Variants in REV3L observed in about 807,000 individuals in gnomAD.
The protein encoded by REV3L is DNA polymerase zeta catalytic subunit.
A neutral mutation model predicts 299.4 loss-of-function variants in REV3L; 69 were observed. The ratio of observed to expected loss-of-function variants is 0.23; its 90% confidence interval spans 0.19 to 0.28. REV3L has a LOEUF of 0.28. Ranked by LOEUF, REV3L falls within the 10% of genes least tolerant of loss-of-function variation. The pLI is 1.00. For missense variants in REV3L, 3,128 were observed against 3,693.8 expected, an observed-to-expected ratio of 0.85 and a Z score of 3.97; for synonymous variants, 1,238 against 1,271.4, an observed-to-expected ratio of 0.97 and a Z score of 0.56.
Position 111,380,155 on chromosome 6 carries a change from C to T in REV3L, c.1281G>A (p.Arg427=), listed in dbSNP as rs149502913. Residue 427 remains arginine (R), a synonymous_variant, in exon 11 of 32, where the codon CGG becomes CGA. Coordinates refer to ENST00000368802, the MANE Select transcript of REV3L (RefSeq NM_001372078.1). ...GTGATGGCATCCTATTTCTTTCCCCCCGATATCCATCACTTTCCAAACCAG... is the reference window on the plus strand; with the variant it reads ...GTGATGGCATCCTATTTCTTTCCCCTCGATATCCATCACTTTCCAAACCAG... ...LLAGLESDGY[R]GERNRMPSPC... 155 of 1,613,980 alleles carry T rather than the reference C, an allele frequency of 9.6e-5. No homozygotes were observed. Among genetic ancestry groups the T allele is most frequent in the Non-Finnish European group, 1.3e-4 (150 of 1,179,994 alleles).
At chr6:111,357,183 A>C (rs1778178753) in intron 17 of REV3L, 58 bp from the exon 18 acceptor site, 2 of 579,966 alleles carry the variant, frequency 3.4e-6, no homozygotes, top group Non-Finnish European at 5.3e-6. Context: ...ATACCTTCAT[A>C]ATATAAAAGT....
chr6:111,405,624 A>G lies in REV3L; in HGVS notation c.411T>C (p.Cys137=). 1.9e-6 allele frequency: 3 copies of G among 1,589,644 alleles called. No individual in the cohort carries two copies. Among genetic ancestry groups the G allele is most frequent in the Non-Finnish European group, 1.7e-6 (2 of 1,171,176 alleles). ...TTATGGCTCCGCTTTGCAAAAGTTC[A>G]CATATCCTAAATTAGAAAAAAAAAG... ...LYNPTMVKRI[C]ELLQSGAIMN... Residue 137 remains cysteine, a synonymous_variant, in exon 4 of 32, where the codon TGT becomes TGC. Transcript: ENST00000368802.
At chr6:111,408,095 A>C (rs1469318906) in intron 3 of REV3L, among the ~76,000 whole-genome samples, 1 of 152,240 alleles carries the variant, frequency 6.6e-6, no homozygotes, top group Non-Finnish European at 1.5e-5. Context: ...ATTGGAAAGA[A>C]AGACGGGAAT....
At chr6:111,455,685 TGTAA>T (rs1044824250) in intron 1 of REV3L, among the ~76,000 whole-genome samples, 3 of 152,222 alleles carry the variant, frequency 2.0e-5, no homozygotes, top group African/African-American at 7.2e-5. Context: ...ACAAACTACA[TGTAA>T]GTGATTGTTA....
At chr6:111,471,769 A>G (rs1320563179) in intron 1 of REV3L, among the ~76,000 whole-genome samples, 1 of 152,184 alleles carries the variant, frequency 6.6e-6, no homozygotes, top group Non-Finnish European at 1.5e-5. Flanking sequence ...CCACATGACT[A>G]TTCTTAGAGA....
intron 3 of REV3L, among the ~76,000 whole-genome samples, chr6:111,409,907 T>C (rs905721119): frequency 2.6e-5 from 4 of 152,322 alleles, no homozygotes; most frequent in Middle Eastern, 3.4e-3. Flanking sequence ...TATATTTGGG[T>C]TACCTGTGTA....
chr6:111,386,497 T>TGGGAAAGTAAA (rs1457404457), intron 9 of REV3L, among the ~76,000 whole-genome samples: 2 of 152,052 alleles, frequency 1.3e-5, no homozygotes, highest in Non-Finnish European at 2.9e-5. Flanking sequence ...ATATTGCTGG[T>TGGGAAAGTAAA]GGGAAAGTAA....
rs780945504 is a variant in REV3L at position 111,375,273 on chromosome 6, G to A, written c.3082C>T (p.Pro1028Ser). The stretch of plus-strand genomic sequence containing the variant: ...GGATATTTGGTTGCAGGGGAGTCGG[G>A]AACTTTTGGCCAAAAGTCCTTCAAA... Reference protein sequence around the residue: ...APLKDFWPKVPDSPATKYPIY... With the variant: ...APLKDFWPKVSDSPATKYPIY... The change falls in exon 13 of 32, where the codon CCC becomes TCC. Residue 1028 changes from proline to serine, a missense_variant. Coordinates refer to ENST00000368802, the MANE Select transcript of REV3L (RefSeq NM_001372078.1). 6.2e-7 allele frequency: 1 copy of A among 1,607,576 alleles called. No individual in the cohort carries two copies. The highest frequency in any genetic ancestry group is 8.5e-7 in the Non-Finnish European group (1 of 1,178,722).
At chr6:111,480,865 G>A (rs1193137244) in intron 1 of REV3L, among the ~76,000 whole-genome samples, 7 of 145,736 alleles carry the variant, frequency 4.8e-5, no homozygotes, top group Non-Finnish European at 1.0e-4. Context: ...TAAGGTGCTG[G>A]TAATCTATTG....
At chr6:111,361,404 A>AC (rs201815366) in intron 16 of REV3L, 49,366 of 136,808 alleles carry the variant, frequency 0.36, 11,128 homozygotes, top group Non-Finnish European at 0.51. Context: ...AAAAAAAACA[A>AC]AAAACACACA....
At chr6:111,358,327 C>T (rs1324670758) in intron 17 of REV3L, among the ~76,000 whole-genome samples, 3 of 151,820 alleles carry the variant, frequency 2.0e-5, no homozygotes, top group Admixed American at 6.6e-5. Flanking sequence ...GACTGTGCAC[C>T]TAATCTAGGG....
At chr6:111,306,251 T>G (rs1700152367) in intron 31 of REV3L, among the ~76,000 whole-genome samples, 1 of 150,426 alleles carries the variant, frequency 6.6e-6, no homozygotes, top group African/African-American at 2.5e-5. Context: ...GGGGGTGGGG[T>G]GGGATAGGTA....
chr6:111,341,356 C>T (rs529704778), intron 21 of REV3L, among the ~76,000 whole-genome samples: 1 of 152,314 alleles, frequency 6.6e-6, no homozygotes, highest in Admixed American at 6.5e-5. Context: ...CCAACTTCGC[C>T]TCAGCTTCTA....
intron 16 of REV3L, among the ~76,000 whole-genome samples, chr6:111,362,393 GA>G (rs538992107): frequency 2.7e-4 from 41 of 151,768 alleles, no homozygotes; most frequent in Middle Eastern, 3.4e-3. Context: ...ATTGACTTGA[GA>G]AAAAAAACCA....
At chr6:111,398,567 A>G (rs1160157600) in intron 4 of REV3L, among the ~76,000 whole-genome samples, 1 of 152,118 alleles carries the variant, frequency 6.6e-6, no homozygotes, top group Non-Finnish European at 1.5e-5. Context: ...TGCACATATA[A>G]TATTCAAATT....
intron 26 of REV3L, 51 bp downstream of exon 26, chr6:111,322,518 T>A: frequency 7.5e-7 from 1 of 1,341,386 alleles, no homozygotes; most frequent in South Asian, 1.2e-5. Flanking sequence ...AACACTGAAA[T>A]GAAGATCTAG....
rs759251599 is a variant in REV3L, at chr6:111,313,384, C to T, written c.8572G>A (p.Val2858Ile). ...PVFDAKGIET[V>I]RRDSCPAVSK... is the part of the protein sequence containing the mutation. ...ACAGCAGGGCAGGAATCTCTTCTGA[C>T]TGTTTCTATTCCTTTTGCATCAAAT... The change falls in exon 28 of 32, where the codon GTC becomes ATC. Residue 2858 changes from valine (V) to isoleucine (I), a missense_variant. Transcript: ENST00000368802. The T allele has an allele frequency of 6.2e-7, 1 of 1,613,176 alleles. No individual in the cohort carries two copies. The highest frequency in any genetic ancestry group is 8.5e-7 in the Non-Finnish European group (1 of 1,179,660).
In REV3L at chr6:111,376,051, T is replaced by A; in HGVS notation, c.2304A>T (p.Gly768=). 3 of 1,613,984 alleles carry A rather than the reference T, an allele frequency of 1.9e-6. No homozygotes were observed. Among genetic ancestry groups the A allele is most frequent in the Non-Finnish European group, 2.5e-6 (3 of 1,179,922 alleles). Residue 768 remains glycine, a synonymous_variant, in exon 13 of 32, where the codon GGA becomes GGT. Coordinates refer to ENST00000368802, the MANE Select transcript of REV3L (RefSeq NM_001372078.1). ...CATACCTAATTTTAAGTTTATTTAG[T>A]CCACTTTCATCAGCAGTGCTATTAA... The part of the protein sequence containing the change: ...HSLNSTADES[G]LNKLKIRYEE...
intron 6 of REV3L, among the ~76,000 whole-genome samples, chr6:111,389,760 TAG>T (rs1781717409): frequency 7.8e-6 from 1 of 127,576 alleles, no homozygotes; most frequent in African/African-American, 2.8e-5. Context: ...TTTTTTGAGA[TAG>T]AGTCTTGCTC....
Sources: allele counts gnomAD v4.1 joint callset (sites outside exome capture counted in the v4.1 genomes callset), GRCh38; gene constraint gnomAD v4.1.1; transcripts MANE v1.5; gene names NCBI Gene and HGNC (gene_info 2026-07-23, HGNC 2026-07-21).